Variants in HECW2 observed in about 807,000 individuals in gnomAD.
The protein encoded by HECW2 is HECT, C2 and WW domain containing E3 ubiquitin protein ligase 2.
In HECW2, 61 loss-of-function variants were observed where a neutral mutation model predicts 175.2. The observed-to-expected ratio is 0.35, with a 90% CI of 0.28 to 0.43. The LOEUF is 0.43. HECW2 is among the 20% of genes least tolerant of loss of function. The pLI is 1.00. For synonymous variants in HECW2, 671 were observed against 731.0 expected (o/e 0.92, Z 1.32); for missense variants, 1,524 against 2,000.5 (o/e 0.76, Z 4.54).
chr2:196,588,916 C>T (rs1691082387), intron 1 of HECW2, among the ~76,000 whole-genome samples: 1 of 152,040 alleles, frequency 6.6e-6, no homozygotes, highest in African/African-American at 2.4e-5. Flanking sequence ...AAAAAAGATA[C>T]ATAGGCCGGT....
rs182883572 is a variant in HECW2, at chr2:196,197,611, T to C, written c.*3666A>G. On this transcript the variant is annotated 3_prime_UTR_variant, in exon 29 of 29. Coordinates refer to ENST00000644978, the MANE Select transcript of HECW2 (RefSeq NM_001348768.2). ...CAGAAGGTGTCATATTTTAAATGTA[T>C]CTGTTTAAGAAAGTGAGAGTTTGGA... is the stretch of plus-strand genomic sequence containing the variant. 146 of 152,288 alleles carry C rather than the reference T, an allele frequency of 9.6e-4. No homozygotes were observed. The highest frequency in any genetic ancestry group is 3.2e-3 in the African/African-American group (134 of 41,548). 9.4% of individuals were successfully genotyped at this position (152,288 alleles called of 1,614,324 possible).
chr2:196,341,700 T>C (rs1017998286), intron 3 of HECW2, among the ~76,000 whole-genome samples: 1 of 152,212 alleles, frequency 6.6e-6, no homozygotes, highest in African/African-American at 2.4e-5. Flanking sequence ...CCCTTAAAAA[T>C]GACATTTCTT....
rs72931233 is a variant in HECW2, at chr2:196,405,310, C to T, written c.292+27822G>A. 1.8e-3 allele frequency among the ~76,000 whole-genome samples: 273 copies of T among 152,208 alleles called. 1 individual carries two copies. The highest frequency in any genetic ancestry group is 3.4e-3 in the Middle Eastern group (1 of 294). ...CATGAGTCTTACTTTAGACTCAGGA[C>T]CACAAATCTTGCAGGGGACTCAATA... On this transcript the variant is annotated intron_variant, in intron 2 of 28. Coordinates refer to ENST00000644978, the MANE Select transcript of HECW2 (RefSeq NM_001348768.2).
At chr2:196,457,032 AG>A (rs1437109751) in intron 1 of HECW2, among the ~76,000 whole-genome samples, 2 of 152,242 alleles carry the variant, frequency 1.3e-5, no homozygotes. Context: ...CAAGCAAAGA[AG>A]GAGCATCCAA....
At chr2:196,583,977 C>A (rs1452238328) in intron 1 of HECW2, among the ~76,000 whole-genome samples, 3 of 152,200 alleles carry the variant, frequency 2.0e-5, no homozygotes, top group Non-Finnish European at 2.9e-5. Context: ...AGCATATCAG[C>A]ATCTGGGTGG....
chr2:196,352,567 C>G (rs1383129577), intron 2 of HECW2, among the ~76,000 whole-genome samples: 1 of 146,194 alleles, frequency 6.8e-6, no homozygotes, highest in South Asian at 2.1e-4. Context: ...TTGCTGTATC[C>G]TCTATAGCAG....
At chr2:196,509,609 T>C (rs1324136943) in intron 1 of HECW2, among the ~76,000 whole-genome samples, 1 of 152,224 alleles carries the variant, frequency 6.6e-6, no homozygotes, top group Non-Finnish European at 1.5e-5. Flanking sequence ...AAACATTGTA[T>C]GTCAGGAAAC....
chr2:196,524,673 T>G (rs1229270960), intron 1 of HECW2, among the ~76,000 whole-genome samples: 5 of 117,930 alleles, frequency 4.2e-5, no homozygotes, highest in African/African-American at 5.3e-5. Flanking sequence ...TCTGGTATGT[T>G]GTGTCTTTGT....
At chr2:196,505,217 G>A in intron 1 of HECW2, among the ~76,000 whole-genome samples, 1 of 152,130 alleles carries the variant, frequency 6.6e-6, no homozygotes, top group East Asian at 1.9e-4. Context: ...ACAGCAGTAA[G>A]AATTAAGACA....
At chr2:196,374,097 G>A (rs1693984730) in intron 2 of HECW2, among the ~76,000 whole-genome samples, 1 of 151,694 alleles carries the variant, frequency 6.6e-6, no homozygotes, top group Non-Finnish European at 1.5e-5. Context: ...TAAATTCAAC[G>A]GTGAATAATA....
At chr2:196,405,998 C>A (rs1304939030) in intron 2 of HECW2, among the ~76,000 whole-genome samples, 2 of 152,130 alleles carry the variant, frequency 1.3e-5, no homozygotes, top group African/African-American at 4.8e-5. Flanking sequence ...TTCCAGGACA[C>A]CTCATTCTCA....
chr2:196,216,780 C>T (rs1687491097), intron 27 of HECW2, among the ~76,000 whole-genome samples: 1 of 152,090 alleles, frequency 6.6e-6, no homozygotes, highest in Admixed American at 6.5e-5. Flanking sequence ...TTGGACTGGA[C>T]TTGACACTTC....
rs201798456 is a variant in HECW2, at chr2:196,319,794, C to A, written c.1096G>T (p.Val366Leu). 6.2e-7 allele frequency: 1 copy of A among 1,614,086 alleles called. No homozygotes were observed. The highest frequency in any genetic ancestry group is 1.7e-5 in the Admixed American group (1 of 60,008). The change falls in exon 9 of 29, where the codon GTG becomes TTG. Residue 366 changes from valine to leucine, a missense_variant. Val to Leu is a conservative substitution (Grantham distance 32). Around this residue, in one of 11 missense-constraint regions of HECW2, gnomAD observed 604 missense variants for 588.3 expected, o/e 1.03. Transcript: ENST00000644978. ...TCAGAAACTGGCCCATTAGAGCACACCTGGCTGTCGTGATGGCTCCCTGGC... is the reference window on the plus strand; with the variant it reads ...TCAGAAACTGGCCCATTAGAGCACAACTGGCTGTCGTGATGGCTCCCTGGC... ...DMPGSHHDSQ[V>L]CSNGPVSEDS...
At chr2:196,440,856 T>C (rs962391591) in intron 1 of HECW2, among the ~76,000 whole-genome samples, 18 of 152,222 alleles carry the variant, frequency 1.2e-4, no homozygotes, top group African/African-American at 3.6e-4. Context: ...GCTGCAGCTA[T>C]ATGTCCCATT....
intron 2 of HECW2, among the ~76,000 whole-genome samples, chr2:196,418,229 C>T (rs940833097): frequency 4.6e-5 from 7 of 151,784 alleles, no homozygotes; most frequent in Non-Finnish European, 8.8e-5. Flanking sequence ...CCCGGGTTCA[C>T]GCCATTCTCC....
intron 13 of HECW2, among the ~76,000 whole-genome samples, chr2:196,302,287 A>ATAGTTGTTGGTTACTG (rs1691093100): frequency 6.6e-6 from 1 of 151,854 alleles, no homozygotes; most frequent in African/African-American, 2.4e-5. Context: ...TTTGGTTACT[A>ATAGTTGTTGGTTACTG]GTATAGTTGT....
chr2:196,325,376 T>A (rs1218556037), intron 5 of HECW2, among the ~76,000 whole-genome samples: 1 of 152,200 alleles, frequency 6.6e-6, no homozygotes, highest in East Asian at 1.9e-4. Flanking sequence ...ATTGCTTAGA[T>A]AAGTGAAGAC....
intron 14 of HECW2, among the ~76,000 whole-genome samples, chr2:196,283,178 C>T (rs923517461): frequency 1.4e-5 from 2 of 141,414 alleles, no homozygotes; most frequent in African/African-American, 2.6e-5. Flanking sequence ...AGGAGAATGG[C>T]GTGAACCCGG....
At chr2:196,307,350 A>G in intron 11 of HECW2, 117 bp from the exon 12 acceptor site, 2 of 580,942 alleles carry the variant, frequency 3.4e-6, no homozygotes, top group Non-Finnish European at 5.9e-6. Flanking sequence ...TCCTCCTCCA[A>G]CCCCCATTCC....
Sources: gnomAD v4.1 joint callset for allele counts (sites outside exome capture counted in the v4.1 genomes callset) on GRCh38, gnomAD v4.1.1 for gene constraint, gnomAD v4.1.1 regional missense constraint, MANE v1.5 for transcripts, NCBI Gene and HGNC (gene_info 2026-07-23, HGNC 2026-07-21) for gene names.